Variants in PCNX2 observed in about 807,000 individuals in gnomAD.
PCNX2 encodes pecanex-like protein 2.
In PCNX2, 168 loss-of-function variants were observed where a neutral mutation model predicts 223.8. The observed-to-expected ratio is 0.75, with a 90% CI of 0.66 to 0.85. The LOEUF is 0.85. Ranked by LOEUF, PCNX2 falls within the 40% of genes least tolerant of loss-of-function variation. The pLI, the probability that PCNX2 is intolerant of heterozygous loss-of-function variation, is 0.00. For missense variants in PCNX2, 2,507 were observed against 2,675.5 expected (o/e 0.94, Z 1.39); for synonymous variants, 1,006 against 1,052.6 (o/e 0.96, Z 0.86).
At chr1:233,316,822 T>C in the PCNX2 span, among the ~76,000 whole-genome samples, 1 of 152,240 alleles carries the variant, frequency 6.6e-6, no homozygotes, top group African/African-American at 2.4e-5. Flanking sequence ...TTTCTTACAC[T>C]CCTCTTAATG....
chr1:233,089,835 G>A, intron 23 of PCNX2: 1 of 1,266,466 alleles, frequency 7.9e-7, no homozygotes, highest in Non-Finnish European at 1.0e-6. Context: ...GTGAAACCTG[G>A]ACTAGTATTC....
chr1:233,065,817 A>G (rs1672580169), intron 23 of PCNX2, among the ~76,000 whole-genome samples: 1 of 152,190 alleles, frequency 6.6e-6, no homozygotes, highest in Admixed American at 6.5e-5. Context: ...CCCTATGCCT[A>G]TCTGTATCAG....
chr1:232,989,331 G>A (rs1035533834), intron 32 of PCNX2, among the ~76,000 whole-genome samples: 1 of 152,138 alleles, frequency 6.6e-6, no homozygotes, highest in East Asian at 1.9e-4. Flanking sequence ...GCGGGCACCT[G>A]TAGTCCCAGC....
chr1:233,059,261 A>G (rs1672311106), intron 23 of PCNX2, among the ~76,000 whole-genome samples: 1 of 152,232 alleles, frequency 6.6e-6, no homozygotes, highest in South Asian at 2.1e-4. Context: ...TTGTACCTGT[A>G]CCTCTCTTTT....
At chr1:233,083,045 G>A (rs1371172030) in intron 23 of PCNX2, among the ~76,000 whole-genome samples, 1 of 152,198 alleles carries the variant, frequency 6.6e-6, no homozygotes, top group Non-Finnish European at 1.5e-5. Flanking sequence ...GGATGAAGAA[G>A]GGTCAGCTCA....
intron 23 of PCNX2, among the ~76,000 whole-genome samples, chr1:233,071,235 G>T (rs930778441): frequency 1.3e-5 from 2 of 152,018 alleles, no homozygotes; most frequent in African/African-American, 4.8e-5. Context: ...TGTCATGAGG[G>T]CTTGTTGTAT....
chr1:233,001,387 G>A lies in PCNX2; in HGVS notation c.5097+150C>T, dbSNP rs1044034956. The A allele has an allele frequency of 2.3e-5, 7 of 302,652 alleles. No homozygotes were observed. In the Admixed American group the frequency reaches 4.1e-4, roughly 18 times the overall value. The allele number at this position is 302,652 out of a possible 1,614,324, so 18.7% of individuals were successfully genotyped here. ...CCAGCTACTTGGGAGGCTGTGGCAG[G>A]AGAATCGCTTGAACCCGGGAGGTGG... is the stretch of plus-strand genomic sequence containing the variant. On this transcript the variant is annotated intron_variant, in intron 29 of 33. Transcript: ENST00000258229. The surrounding 1 kb of genome is among the most constrained non-coding windows in gnomAD (Gnocchi z 4.2).
intron 25 of PCNX2, among the ~76,000 whole-genome samples, chr1:233,045,591 T>C (rs996866838): frequency 6.6e-6 from 1 of 152,190 alleles, no homozygotes; most frequent in Non-Finnish European, 1.5e-5. Flanking sequence ...CCTCCCATTA[T>C]AGAAACTAAA....
rs182335138 is a variant in PCNX2, at chr1:233,041,381, G to A, written c.4351+12887C>T. On this transcript the variant is annotated intron_variant, in intron 25 of 33. Coordinates refer to ENST00000258229, the MANE Select transcript of PCNX2 (RefSeq NM_014801.4). ...ACCTTTTGAGCACTGATGTGATGCC[G>A]CAAGTGAAAAATTCCACACCTGACC... 9.9e-4 allele frequency among the ~76,000 whole-genome samples: 151 copies of A among 152,202 alleles called. 1 individual carries two copies. Among genetic ancestry groups the A allele is most frequent in the African/African-American group, 3.2e-3 (133 of 41,516 alleles).
chr1:233,229,467 C>T (rs1248263971), intron 9 of PCNX2, among the ~76,000 whole-genome samples: 1 of 152,072 alleles, frequency 6.6e-6, no homozygotes, highest in African/African-American at 2.4e-5. Flanking sequence ...TATAGTAAAC[C>T]TCCCCCGACA....
chr1:233,289,878 CAGGTTGCATGCTGCACAA>C (rs1661659534), intron 1 of PCNX2, among the ~76,000 whole-genome samples: 1 of 152,210 alleles, frequency 6.6e-6, no homozygotes, highest in East Asian at 1.9e-4. Context: ...CGAGGCTGCG[CAGGTTGCATGCTGCACAA>C]AGGTCTCCTG....
the PCNX2 span, among the ~76,000 whole-genome samples, chr1:233,303,582 ATTAAG>A: frequency 2.0e-5 from 3 of 152,324 alleles, no homozygotes; most frequent in East Asian, 5.8e-4. Flanking sequence ...ACTATGTTAA[ATTAAG>A]TTTTTATATC....
chr1:233,211,536 A>T (rs907256076), intron 12 of PCNX2, among the ~76,000 whole-genome samples: 3 of 152,104 alleles, frequency 2.0e-5, no homozygotes, highest in African/African-American at 7.2e-5. Flanking sequence ...CTTCAAGTGT[A>T]TTCATGTAGC....
intron 15 of PCNX2, among the ~76,000 whole-genome samples, chr1:233,179,825 T>C (rs1433308823): frequency 6.6e-6 from 1 of 152,220 alleles, no homozygotes; most frequent in Non-Finnish European, 1.5e-5. Flanking sequence ...CCTTCCCTAT[T>C]TGGAAATGTT....
chr1:233,294,003 C>A (rs981872405), intron 1 of PCNX2: 2 of 984,960 alleles, frequency 2.0e-6, no homozygotes, highest in African/African-American at 3.5e-5. Context: ...GCATTTATTG[C>A]AGGGTTTCCA....
At chr1:233,102,494 C>T (rs565595603) in intron 21 of PCNX2, among the ~76,000 whole-genome samples, 63 of 152,226 alleles carry the variant, frequency 4.1e-4, no homozygotes, top group African/African-American at 1.3e-3. Context: ...CACTTTCCCG[C>T]CAACAGGGTA....
chr1:233,036,679 T>G (rs945763947), intron 25 of PCNX2, among the ~76,000 whole-genome samples: 2 of 152,136 alleles, frequency 1.3e-5, no homozygotes, highest in African/African-American at 2.4e-5. Context: ...TCTTTAAGAT[T>G]GCACAATAGA....
At chr1:233,257,716 C>T (rs191673652) in intron 5 of PCNX2, among the ~76,000 whole-genome samples, 231 of 152,258 alleles carry the variant, frequency 1.5e-3, no homozygotes, top group Middle Eastern at 6.8e-3. Context: ...ATATCTATTG[C>T]GAGTACTTGC....
At chr1:233,290,881 C>G in intron 1 of PCNX2, 1 of 985,312 alleles carries the variant, frequency 1.0e-6, no homozygotes, top group Non-Finnish European at 1.2e-6. Flanking sequence ...AAAGGGCTGC[C>G]CATACAAACA....
Sources: allele counts gnomAD v4.1 joint callset (sites outside exome capture counted in the v4.1 genomes callset), GRCh38; gene constraint gnomAD v4.1.1; non-coding constraint Gnocchi (gnomAD v3.1); transcripts MANE v1.5; gene names NCBI Gene and HGNC (gene_info 2026-07-23, HGNC 2026-07-21).